Variants in ZFHX4 observed in about 807,000 individuals in gnomAD.
ZFHX4 encodes zinc finger homeobox protein 4.
Under a neutral mutation model 267.6 loss-of-function variants are expected in ZFHX4, and 56 were observed. The observed-to-expected ratio is 0.21, with a 90% CI of 0.17 to 0.26. ZFHX4 has a LOEUF of 0.26. ZFHX4 is among the 10% of genes least tolerant of loss of function. ZFHX4 has a pLI of 1.00. For missense variants in ZFHX4, 4,332 were observed against 4,420.0 expected (o/e 0.98, Z 0.56); for synonymous variants, 1,778 against 1,665.6 (o/e 1.07, Z -1.64).
chr8:76,681,525 C>T lies in ZFHX4; in HGVS notation c.-142C>T, dbSNP rs1382514633. The T allele has an allele frequency of 5.0e-6, 2 of 397,628 alleles. No homozygotes were observed. Among genetic ancestry groups the T allele is most frequent in the African/African-American group, 4.1e-5 (2 of 48,232 alleles). 24.6% of individuals were successfully genotyped at this position (397,628 alleles called of 1,614,324 possible). On this transcript the variant is annotated 5_prime_UTR_variant, in exon 1 of 11. Coordinates refer to ENST00000651372, the MANE Select transcript of ZFHX4 (RefSeq NM_024721.5). The stretch of plus-strand genomic sequence containing the variant: ...TATTTTTTTTGTTTTTTTAATGAAC[C>T]CTCTCGTTTTACTTGGATGTGATCA...
chr8:76,703,058 A>G (rs1189950517), intron 1 of ZFHX4, among the ~76,000 whole-genome samples: 1 of 152,142 alleles, frequency 6.6e-6, no homozygotes, highest in Non-Finnish European at 1.5e-5. Context: ...CTGCTGTCAG[A>G]AACTGATATG....
In ZFHX4 at chr8:76,852,565, G is replaced by T. The variant is rs1259514965; in HGVS notation, c.5644G>T (p.Gly1882Cys). The T allele has an allele frequency of 6.2e-7, 1 of 1,611,346 alleles. No homozygotes were observed. The highest frequency in any genetic ancestry group is 2.2e-5 in the East Asian group (1 of 44,778). ...AAGTGAAGGTGAAGGACTCAAAGAA[G>T]GCAAAGACACAAAGAAGCAAAAATC... is the stretch of plus-strand genomic sequence containing the variant. ...FISEGEGLKE[G>C]KDTKKQKSLE... The change falls in exon 10 of 11, where the codon GGC (glycine) becomes TGC (cysteine). Residue 1882 changes from glycine to cysteine, a missense_variant. Physicochemically the swap from Gly to Cys is radical, Grantham distance 159 (BLOSUM62 -3). This residue lies in a region of ZFHX4 where 1,371 missense variants were observed against 1,423.1 expected (regional missense o/e 0.96). Transcript: ENST00000651372.
intron 5 of ZFHX4, among the ~76,000 whole-genome samples, chr8:76,837,689 G>A (rs1024459828): frequency 2.3e-4 from 35 of 152,204 alleles, no homozygotes; most frequent in African/African-American, 8.2e-4. Context: ...TGTTCCAGCT[G>A]CTTTTGGCAC....
chr8:76,802,138 C>T (rs1217637807), intron 4 of ZFHX4, among the ~76,000 whole-genome samples: 1 of 152,166 alleles, frequency 6.6e-6, no homozygotes, highest in Non-Finnish European at 1.5e-5. Flanking sequence ...AACCTGTCTG[C>T]TGCCTGCTGC....
In ZFHX4 at chr8:76,863,877, C is replaced by A. The variant is rs532721778; in HGVS notation, c.10163C>A (p.Ala3388Glu). The change falls in exon 11 of 11, where the codon GCA (alanine) becomes GAA (glutamate). Residue 3388 changes from alanine (A) to glutamate (E), a missense_variant. Ala to Glu is a moderately radical substitution (Grantham distance 107). Transcript: ENST00000651372. ...GAACCCCAGTTAGAATCCAAAAGTG[C>A]AGACTTTTCAGACACTTACGTTGTT... ...KEEPQLESKS[A>E]DFSDTYVVPF... 5.8e-6 allele frequency: 9 copies of A among 1,563,144 alleles called. No individual in the cohort carries two copies. The Admixed American group carries it at 1.7e-4, about 30-fold the overall frequency.
chr8:76,851,084 C>G lies in ZFHX4; in HGVS notation c.4163C>G (p.Ser1388Cys). 1 of 1,614,016 alleles carries G rather than the reference C, an allele frequency of 6.2e-7. No homozygotes were observed. Among genetic ancestry groups the G allele is most frequent in the East Asian group, 2.2e-5 (1 of 44,870 alleles). The change falls in exon 10 of 11, where the codon TCT (serine) becomes TGT (cysteine). Residue 1388 changes from serine (S) to cysteine (C), a missense_variant. By Grantham distance (112) the Ser-to-Cys change is moderately radical. Transcript: ENST00000651372. Reference protein sequence around the residue: ...LNEQQKRQPLSVSDRHVYKYR... With the variant: ...LNEQQKRQPLCVSDRHVYKYR... Reference sequence around the variant, plus strand: ...GAACAGCAAAAAAGGCAACCGCTCTCTGTTTCTGACCGTCATGTCTACAAG... The same window carrying G: ...GAACAGCAAAAAAGGCAACCGCTCTGTGTTTCTGACCGTCATGTCTACAAG...
At chr8:76,714,437 A>G (rs1808511228) in intron 3 of ZFHX4, among the ~76,000 whole-genome samples, 1 of 152,170 alleles carries the variant, frequency 6.6e-6, no homozygotes, top group South Asian at 2.1e-4. Context: ...TTCAAGCCTT[A>G]AAAGGTGCTT....
chr8:76,767,381 G>A (rs1799474490), intron 3 of ZFHX4, among the ~76,000 whole-genome samples: 1 of 151,982 alleles, frequency 6.6e-6, no homozygotes, highest in South Asian at 2.1e-4. Flanking sequence ...CTTTTGTTTT[G>A]CTCAGTTTTG....
chr8:76,795,521 T>G (rs1659851850), intron 4 of ZFHX4, among the ~76,000 whole-genome samples: 2 of 151,394 alleles, frequency 1.3e-5, no homozygotes, highest in South Asian at 4.2e-4. Context: ...ATTTTGATCT[T>G]CAGAACAAAA....
In ZFHX4 at chr8:76,829,900, G is replaced by A. The variant is rs114679784; in HGVS notation, c.3326-3438G>A. On this transcript the variant is annotated intron_variant, in intron 4 of 10. Coordinates refer to ENST00000651372, the MANE Select transcript of ZFHX4 (RefSeq NM_024721.5). ...TTTGGGTTACGCTAAAGAAATAGGT[G>A]ATTAGCAGAATTCAGGCCTGAACGA... Among the ~76,000 whole-genome samples the A allele has an allele frequency of 4.0e-3, 603 of 152,220 alleles. 3 individuals are homozygous for A. Among genetic ancestry groups the A allele is most frequent in the African/African-American group, 0.014 (567 of 41,542 alleles).
chr8:76,844,395 T>C (rs1189529513), intron 6 of ZFHX4, among the ~76,000 whole-genome samples: 2 of 152,124 alleles, frequency 1.3e-5, no homozygotes, highest in African/African-American at 2.4e-5. Context: ...CCGAGGTATA[T>C]GACATTATGC....
chr8:76,754,379 C>T (rs113266499), intron 3 of ZFHX4, among the ~76,000 whole-genome samples: 40,363 of 151,724 alleles, frequency 0.27, 7,100 homozygotes, highest in African/African-American at 0.49. Flanking sequence ...ATCCCAGATA[C>T]GCGGGAGGCT....
chr8:76,722,621 A>G (rs1808752887), intron 3 of ZFHX4, among the ~76,000 whole-genome samples: 2 of 150,506 alleles, frequency 1.3e-5, no homozygotes, highest in South Asian at 4.2e-4. Flanking sequence ...TTTTTTTGCA[A>G]GAATTTCTGT....
intron 1 of ZFHX4, among the ~76,000 whole-genome samples, chr8:76,700,483 T>C (rs942407128): frequency 7.2e-5 from 11 of 152,176 alleles, no homozygotes. Flanking sequence ...CTCTGCTTTC[T>C]GAATGCAAAG....
intron 4 of ZFHX4, among the ~76,000 whole-genome samples, chr8:76,813,216 A>G (rs1811422017): frequency 6.6e-6 from 1 of 152,168 alleles, no homozygotes; most frequent in South Asian, 2.1e-4. Flanking sequence ...ACGATTTGAA[A>G]TAAACACTGT....
intron 3 of ZFHX4, among the ~76,000 whole-genome samples, chr8:76,729,927 G>A (rs1010463594): frequency 2.0e-5 from 3 of 152,116 alleles, no homozygotes; most frequent in Non-Finnish European, 4.4e-5. Context: ...ATAAAGGGAC[G>A]TGAAGCTAGG....
intron 4 of ZFHX4, among the ~76,000 whole-genome samples, chr8:76,809,790 A>G (rs943861350): frequency 5.9e-5 from 9 of 152,196 alleles, no homozygotes; most frequent in Non-Finnish European, 1.0e-4. Flanking sequence ...TAATTAAAAA[A>G]TTAAAATGTA....
chr8:76,813,231 T>C (rs552842100), intron 4 of ZFHX4, among the ~76,000 whole-genome samples: 1 of 152,176 alleles, frequency 6.6e-6, no homozygotes, highest in Non-Finnish European at 1.5e-5. Flanking sequence ...CACTGTTAGT[T>C]TTCAATCTGT....
At chr8:76,828,735 T>C (rs911348188) in intron 4 of ZFHX4, among the ~76,000 whole-genome samples, 1 of 152,192 alleles carries the variant, frequency 6.6e-6, no homozygotes, top group Non-Finnish European at 1.5e-5. Flanking sequence ...TTGTGAACTC[T>C]ATCATAGAAT....
Sources: allele counts gnomAD v4.1 joint callset (sites outside exome capture counted in the v4.1 genomes callset), GRCh38; gene constraint gnomAD v4.1.1; regional missense constraint gnomAD v4.1.1; transcripts MANE v1.5; gene names NCBI Gene and HGNC (gene_info 2026-07-23, HGNC 2026-07-21).